The following POC1A variants were observed in gnomAD, a reference collection of about 807,000 sequenced individuals.
POC1A encodes POC1 centriolar protein homolog A.
A neutral mutation model predicts 47.8 loss-of-function variants in POC1A; 34 were observed. The observed-to-expected ratio is 0.71, with a 90% confidence interval of 0.54 to 0.95. The LOEUF (loss-of-function observed/expected upper bound fraction) is 0.95, where lower values mean the gene tolerates loss of function less well. POC1A is among the 40% of genes least tolerant of loss of function. The pLI, the probability that POC1A is intolerant of heterozygous loss-of-function variation, is 0.00. For missense variants in POC1A, 466 were observed against 528.3 expected (o/e 0.88, Z 1.16); for synonymous variants, 177 against 207.6 (o/e 0.85, Z 1.27).
At chr3:52,128,414 G>A (rs1243676417) in intron 7 of POC1A, among the ~76,000 whole-genome samples, 1 of 152,218 alleles carries the variant, frequency 6.6e-6, no homozygotes, top group Non-Finnish European at 1.5e-5. Flanking sequence ...ACCCCAGGAA[G>A]TTCCAGGGAT....
At position 52,090,602 on chromosome 3, in the gene POC1A, G is replaced by A. The variant is rs1049799381; in HGVS notation, c.1125+5967C>T. Among the ~76,000 whole-genome samples the A allele has an allele frequency of 2.6e-5, 4 of 152,218 alleles. No homozygotes were observed. The highest frequency in any genetic ancestry group is 9.7e-5 in the African/African-American group (4 of 41,442). On this transcript the variant is annotated intron_variant, in intron 10 of 10. Coordinates refer to ENST00000296484, the MANE Select transcript of POC1A (RefSeq NM_015426.5). This position sits in a 1 kb window ranked among gnomAD's most constrained non-coding sequence, Gnocchi z 4.2. ...AGGAAGCCACAGAGCCAGCGTGGAG[G>A]TGAGCTCATGTAGCAGTGGCTATTT...
At chr3:52,096,461 A>C in intron 10 of POC1A, 108 bp downstream of exon 10, 1 of 966,898 alleles carries the variant, frequency 1.0e-6, no homozygotes. Flanking sequence ...CAGGTCCGTT[A>C]TAATTATGTT....
At chr3:52,114,528 C>T (rs1188584715) in intron 9 of POC1A, among the ~76,000 whole-genome samples, 1 of 152,196 alleles carries the variant, frequency 6.6e-6, no homozygotes, top group Admixed American at 6.5e-5. Flanking sequence ...GGTGAGGATG[C>T]TGGGCTCCTT....
At chr3:52,108,631 A>G (rs1194757943) in intron 9 of POC1A, among the ~76,000 whole-genome samples, 1 of 152,156 alleles carries the variant, frequency 6.6e-6, no homozygotes. Flanking sequence ...AAAGCCTGCC[A>G]AGATAGATAA....
chr3:52,111,430 A>T (rs1436753229), intron 9 of POC1A, among the ~76,000 whole-genome samples: 3 of 152,118 alleles, frequency 2.0e-5, no homozygotes, highest in African/African-American at 7.2e-5. Context: ...GCAGATCACC[A>T]GAGGTCAAGA....
intron 6 of POC1A, among the ~76,000 whole-genome samples, chr3:52,141,002 G>A (rs1482146797): frequency 6.6e-6 from 1 of 152,230 alleles, no homozygotes; most frequent in African/African-American, 2.4e-5. Flanking sequence ...GCAGATATCA[G>A]TGATGACACA....
intron 9 of POC1A, among the ~76,000 whole-genome samples, chr3:52,114,731 C>G (rs1018557175): frequency 6.6e-6 from 1 of 152,148 alleles, no homozygotes; most frequent in African/African-American, 2.4e-5. Context: ...CCCCAGGAGC[C>G]AGAGATGGGC....
intron 7 of POC1A, among the ~76,000 whole-genome samples, chr3:52,133,963 C>G (rs1230263438): frequency 6.6e-6 from 1 of 152,250 alleles, no homozygotes; most frequent in African/African-American, 2.4e-5. Flanking sequence ...TCTCTCGCAG[C>G]TCTCCCAAGC....
intron 10 of POC1A, among the ~76,000 whole-genome samples, chr3:52,094,242 G>C (rs1035710680): frequency 6.6e-6 from 1 of 152,242 alleles, no homozygotes; most frequent in African/African-American, 2.4e-5. Flanking sequence ...AGTGCTTGCT[G>C]ATGGGGTGGC....
intron 8 of POC1A, 97 bp from the exon 9 acceptor site, chr3:52,122,574 G>T: frequency 1.3e-6 from 1 of 782,190 alleles, no homozygotes. Context: ...CCAAAGTTCT[G>T]AGCCATGGTG....
chr3:52,117,077 ACTCGGGAGG>A, intron 9 of POC1A, among the ~76,000 whole-genome samples: 1 of 151,952 alleles, frequency 6.6e-6, no homozygotes, highest in Non-Finnish European at 1.5e-5. Flanking sequence ...ATTCCCAGCT[ACTCGGGAGG>A]CTGAGGCACA....
intron 10 of POC1A, among the ~76,000 whole-genome samples, chr3:52,092,987 TG>T (rs992622620): frequency 6.6e-6 from 1 of 152,162 alleles, no homozygotes; most frequent in African/African-American, 2.4e-5. Context: ...TCATCGCCCC[TG>T]GGATGGAGCC....
intron 10 of POC1A, among the ~76,000 whole-genome samples, chr3:52,087,687 T>C (rs1702507453): frequency 6.6e-6 from 1 of 152,146 alleles, no homozygotes; most frequent in South Asian, 2.1e-4. Flanking sequence ...AACACAGCTC[T>C]CTTTTCCATA....
chr3:52,137,429 G>A (rs2107156412), intron 7 of POC1A, among the ~76,000 whole-genome samples: 1 of 152,258 alleles, frequency 6.6e-6, no homozygotes, highest in East Asian at 1.9e-4. Context: ...GAATTCAATG[G>A]ACTCCAGACC....
At chr3:52,102,640 C>A (rs1010369260) in intron 9 of POC1A, among the ~76,000 whole-genome samples, 2 of 152,220 alleles carry the variant, frequency 1.3e-5, no homozygotes, top group Admixed American at 1.3e-4. Context: ...AGGATGTAGA[C>A]ATATCTTTCA....
chr3:52,100,823 AGAGT>A (rs963319077), intron 9 of POC1A, among the ~76,000 whole-genome samples: 7 of 152,098 alleles, frequency 4.6e-5, no homozygotes, highest in Admixed American at 2.6e-4. Context: ...CTAGGAGAGG[AGAGT>A]GAGTAAGGAA....
chr3:52,086,862 T>C (rs1702472544), intron 10 of POC1A, among the ~76,000 whole-genome samples: 1 of 152,284 alleles, frequency 6.6e-6, no homozygotes, highest in Non-Finnish European at 1.5e-5. Flanking sequence ...TTCTCATCAC[T>C]GTCTTCCTGC....
chr3:52,081,854 G>C (rs1182211372), intron 10 of POC1A, among the ~76,000 whole-genome samples: 1 of 152,094 alleles, frequency 6.6e-6, no homozygotes, highest in Non-Finnish European at 1.5e-5. Flanking sequence ...CTTGGACTGG[G>C]GGCAGGAGAA....
chr3:52,091,327 A>G (rs6781635), intron 10 of POC1A, among the ~76,000 whole-genome samples: 22,663 of 152,236 alleles, frequency 0.15, 2,717 homozygotes, highest in African/African-American at 0.33. Context: ...TAGGGGGCTC[A>G]AGGAACAAAA....
Sources: gnomAD v4.1 joint callset for allele counts (sites outside exome capture counted in the v4.1 genomes callset) on GRCh38, gnomAD v4.1.1 for gene constraint, Gnocchi (gnomAD v3.1) non-coding constraint, MANE v1.5 for transcripts, NCBI Gene and HGNC (gene_info 2026-07-23, HGNC 2026-07-21) for gene names.